Variants in MAGI2 observed in about 807,000 individuals in gnomAD.
The protein encoded by MAGI2 is membrane-associated guanylate kinase, WW and PDZ domain-containing protein 2.
A neutral mutation model predicts 133.3 loss-of-function variants in MAGI2; 35 were observed. The observed-to-expected ratio is 0.26, with a 90% confidence interval of 0.20 to 0.35. The LOEUF (loss-of-function observed/expected upper bound fraction) is 0.35, where lower values mean the gene tolerates loss of function less well. Ranked by LOEUF, MAGI2 falls within the 10% of genes least tolerant of loss-of-function variation. The probability of loss-of-function intolerance (pLI) is 1.00; values close to 1 mark genes in which losing one functional copy is unlikely to be tolerated. For synonymous variants in MAGI2, 729 were observed against 710.6 expected, an observed-to-expected ratio of 1.03 and a Z score of -0.41; for missense variants, 1,636 against 1,863.4, an observed-to-expected ratio of 0.88 and a Z score of 2.25.
chr7:78,303,506 CCCA>C (rs1474882612), intron 9 of MAGI2, among the ~76,000 whole-genome samples: 1 of 152,036 alleles, frequency 6.6e-6, no homozygotes, highest in Admixed American at 6.6e-5. Flanking sequence ...TCCCTCCCAC[CCCA>C]CATTTTTATA....
chr7:78,355,992 A>G (rs577922255), intron 7 of MAGI2, among the ~76,000 whole-genome samples: 7 of 152,318 alleles, frequency 4.6e-5, no homozygotes, highest in African/African-American at 1.7e-4. Context: ...GAGGGCATGA[A>G]TGAGGAGTCA....
chr7:78,236,501 CA>C (rs1481901161), intron 10 of MAGI2, among the ~76,000 whole-genome samples: 1 of 152,100 alleles, frequency 6.6e-6, no homozygotes, highest in African/African-American at 2.4e-5. Flanking sequence ...ATGAGAGATA[CA>C]GTCCTTGTTC....
At chr7:79,022,038 T>C (rs1809384147) in intron 1 of MAGI2, among the ~76,000 whole-genome samples, 1 of 152,160 alleles carries the variant, frequency 6.6e-6, no homozygotes, top group Admixed American at 6.5e-5. Context: ...CCTGCTGCCC[T>C]GTGAAAAGGT....
intron 3 of MAGI2, among the ~76,000 whole-genome samples, chr7:78,579,890 C>T (rs1002211654): frequency 6.6e-6 from 1 of 152,112 alleles, no homozygotes; most frequent in South Asian, 2.1e-4. Context: ...TTGTCTGTTT[C>T]CAACTTGATT....
At chr7:78,489,922 A>G in intron 5 of MAGI2, 82 bp from the exon 6 acceptor site, 1 of 1,051,490 alleles carries the variant, frequency 9.5e-7, no homozygotes, top group Non-Finnish European at 1.4e-6. Flanking sequence ...AAGCAGGGTT[A>G]GTCCAACAAA....
chr7:79,113,490 G>A (rs1234864903), intron 1 of MAGI2, among the ~76,000 whole-genome samples: 2 of 152,146 alleles, frequency 1.3e-5, no homozygotes, highest in Non-Finnish European at 1.5e-5. Flanking sequence ...TTTGCTGTCT[G>A]TACTTAAACT....
chr7:78,718,765 C>G (rs188708139), intron 2 of MAGI2, among the ~76,000 whole-genome samples: 11 of 152,092 alleles, frequency 7.2e-5, no homozygotes, highest in Non-Finnish European at 1.5e-4. Flanking sequence ...CCGAAACTAT[C>G]CATCCCCGCA....
intron 1 of MAGI2, among the ~76,000 whole-genome samples, chr7:79,274,927 T>C (rs1356691675): frequency 6.6e-6 from 1 of 152,204 alleles, no homozygotes; most frequent in Non-Finnish European, 1.5e-5. Context: ...CATGCCCATA[T>C]GATACAATGA....
intron 6 of MAGI2, among the ~76,000 whole-genome samples, chr7:78,426,054 C>A (rs1229915000): frequency 6.6e-6 from 1 of 152,150 alleles, no homozygotes; most frequent in Non-Finnish European, 1.5e-5. Context: ...CAGATGAGGA[C>A]TTTAAAGTAG....
At chr7:78,924,701 T>C (rs1799549710) in intron 2 of MAGI2, among the ~76,000 whole-genome samples, 1 of 152,084 alleles carries the variant, frequency 6.6e-6, no homozygotes, top group Admixed American at 6.6e-5. Context: ...AGGATGATGC[T>C]GGCCTCATAA....
At chr7:78,762,592 A>G (rs778970095) in intron 2 of MAGI2, among the ~76,000 whole-genome samples, 12 of 152,248 alleles carry the variant, frequency 7.9e-5, no homozygotes, top group Non-Finnish European at 1.5e-4. Context: ...TCAAATCATA[A>G]CTAAAATATA....
chr7:78,409,254 C>T (rs557532438), intron 6 of MAGI2, among the ~76,000 whole-genome samples: 2 of 151,876 alleles, frequency 1.3e-5, no homozygotes, highest in South Asian at 2.1e-4. Context: ...CTCAACACAC[C>T]GCATGATTTC....
intron 1 of MAGI2, among the ~76,000 whole-genome samples, chr7:79,250,734 G>C (rs780757204): frequency 3.3e-5 from 5 of 151,366 alleles, no homozygotes; most frequent in Non-Finnish European, 5.9e-5. Flanking sequence ...TACAGAAATA[G>C]GAAAAAAAAA....
chr7:78,250,994 G>A (rs1256146296), intron 10 of MAGI2, among the ~76,000 whole-genome samples: 1 of 151,960 alleles, frequency 6.6e-6, no homozygotes, highest in Non-Finnish European at 1.5e-5. Flanking sequence ...AACAAAATAT[G>A]AGCAAACAAA....
intron 1 of MAGI2, among the ~76,000 whole-genome samples, chr7:79,150,414 G>A (rs1337628659): frequency 6.6e-6 from 1 of 152,136 alleles, no homozygotes; most frequent in Non-Finnish European, 1.5e-5. Context: ...TAGACGTATT[G>A]CAGATTTTCT....
intron 2 of MAGI2, among the ~76,000 whole-genome samples, chr7:78,950,935 C>T (rs1382940494): frequency 6.6e-6 from 1 of 150,804 alleles, no homozygotes; most frequent in Non-Finnish European, 1.5e-5. Flanking sequence ...AGATGCTTGC[C>T]ACTGAGTCTT....
chr7:78,026,272 A>G (rs1225940217), intron 21 of MAGI2, among the ~76,000 whole-genome samples: 3 of 152,256 alleles, frequency 2.0e-5, no homozygotes, highest in Admixed American at 2.0e-4. Context: ...TATGCCAGAA[A>G]TAAAAAATCT....
chr7:78,603,713 G>T (rs1288013411), intron 3 of MAGI2, among the ~76,000 whole-genome samples: 1 of 152,122 alleles, frequency 6.6e-6, no homozygotes, highest in Non-Finnish European at 1.5e-5. Context: ...AGTAGAGATG[G>T]AGTTTCACCA....
intron 9 of MAGI2, among the ~76,000 whole-genome samples, chr7:78,280,500 TAAGG>T (rs1441945779): frequency 6.6e-6 from 1 of 152,138 alleles, no homozygotes; most frequent in Non-Finnish European, 1.5e-5. Flanking sequence ...GCTGTTATAA[TAAGG>T]AAGTGAAGGA....
Sources: gnomAD v4.1 joint callset for allele counts (sites outside exome capture counted in the v4.1 genomes callset) on GRCh38, gnomAD v4.1.1 for gene constraint, MANE v1.5 for transcripts, NCBI Gene and HGNC (gene_info 2026-07-23, HGNC 2026-07-21) for gene names.